Variants in RAPGEF4 observed in about 807,000 individuals in gnomAD.
RAPGEF4 encodes RAP guanine-nucleotide-exchange factor (GEF) 4.
RAPGEF4 carries 66 observed loss-of-function variants against 147.9 expected under a neutral mutation model. That is an observed-to-expected ratio of 0.45 (90% CI 0.37 to 0.55). The LOEUF is 0.55. RAPGEF4 is among the 20% of genes least tolerant of loss of function. The pLI, the probability that RAPGEF4 is intolerant of heterozygous loss-of-function variation, is 0.00. For missense variants in RAPGEF4, 1,071 were observed against 1,257.3 expected (o/e 0.85, Z 2.24); for synonymous variants, 419 against 442.7 (o/e 0.95, Z 0.67).
intron 15 of RAPGEF4, among the ~76,000 whole-genome samples, chr2:172,994,714 T>A (rs1046194857): frequency 1.1e-4 from 16 of 152,236 alleles, no homozygotes; most frequent in African/African-American, 3.6e-4. Flanking sequence ...AATTGAGCAA[T>A]ATTCTCTATT....
intron 4 of RAPGEF4, among the ~76,000 whole-genome samples, chr2:172,877,335 G>A (rs1043349260): frequency 6.6e-6 from 1 of 152,070 alleles, no homozygotes; most frequent in African/African-American, 2.4e-5. Context: ...TATGGACACA[G>A]GGAGGGGAAC....
At chr2:173,049,781 G>T (rs1685967867) in intron 30 of RAPGEF4, among the ~76,000 whole-genome samples, 1 of 152,208 alleles carries the variant, frequency 6.6e-6, no homozygotes, top group South Asian at 2.1e-4. Context: ...TTCTTATGTG[G>T]ATTCAGCCAG....
chr2:173,016,409 C>T lies in RAPGEF4; in HGVS notation c.1870C>T (p.Pro624Ser). 6.2e-7 allele frequency: 1 copy of T among 1,613,072 alleles called. No individual in the cohort carries two copies. The highest frequency in any genetic ancestry group is 1.1e-5 in the South Asian group (1 of 91,050). The part of the protein sequence containing the change: ...RMIAALKEQL[P>S]ELEKIVKQIS... ...GATTGCTGCCCTCAAGGAGCAACTG[C>T]CAGAGTTGGAGAAGATTGTCAAGCA... The change falls in exon 19 of 31, where the codon CCA (proline) becomes TCA (serine). Residue 624 changes from proline to serine, a missense_variant. Coordinates refer to ENST00000397081, the MANE Select transcript of RAPGEF4 (RefSeq NM_007023.4).
chr2:173,042,461 A>G lies in RAPGEF4; in HGVS notation c.2853+5769A>G, dbSNP rs1684883449. Among the ~76,000 whole-genome samples, 1 of 152,084 alleles carries G rather than the reference A, an allele frequency of 6.6e-6. No homozygotes were observed. The highest frequency in any genetic ancestry group is 2.4e-5 in the African/African-American group (1 of 41,404). Reference sequence around the variant, plus strand: ...AGCCTGGTAAAACCCCATCTCTACTAAAAATACAAAAATTAGCCAGGCATG... The same window carrying G: ...AGCCTGGTAAAACCCCATCTCTACTGAAAATACAAAAATTAGCCAGGCATG... On this transcript the variant is annotated intron_variant, in intron 29 of 30. Coordinates refer to ENST00000397081, the MANE Select transcript of RAPGEF4 (RefSeq NM_007023.4). The surrounding 1 kb of genome is among the most constrained non-coding windows in gnomAD (Gnocchi z 4.2).
intron 4 of RAPGEF4, among the ~76,000 whole-genome samples, chr2:172,871,274 T>C (rs1695210715): frequency 6.6e-6 from 1 of 152,218 alleles, no homozygotes. Context: ...TAACTTGCCT[T>C]AGACTTGCAC....
chr2:172,854,580 T>C (rs1693211890), intron 4 of RAPGEF4, among the ~76,000 whole-genome samples: 1 of 152,156 alleles, frequency 6.6e-6, no homozygotes, highest in South Asian at 2.1e-4. Flanking sequence ...ATGTAGTTAT[T>C]TATATGATTG....
intron 1 of RAPGEF4, among the ~76,000 whole-genome samples, chr2:172,791,282 G>A (rs919458699): frequency 1.6e-4 from 24 of 152,288 alleles, no homozygotes; most frequent in Non-Finnish European, 3.1e-4. Flanking sequence ...TCCATGCATG[G>A]AAATAAGGGG....
chr2:172,791,126 G>A (rs749358793), intron 1 of RAPGEF4, among the ~76,000 whole-genome samples: 6 of 152,184 alleles, frequency 3.9e-5, no homozygotes, highest in Non-Finnish European at 8.8e-5. Flanking sequence ...GAGCCCTCAT[G>A]ACCTAAGCAC....
At chr2:172,960,483 C>T (rs1689170737) in intron 6 of RAPGEF4, among the ~76,000 whole-genome samples, 1 of 152,022 alleles carries the variant, frequency 6.6e-6, no homozygotes, top group South Asian at 2.1e-4. Flanking sequence ...TATTTATTTC[C>T]TCTTCTCATG....
intron 14 of RAPGEF4, among the ~76,000 whole-genome samples, chr2:172,990,314 CT>C (rs1225966103): frequency 6.6e-6 from 1 of 152,086 alleles, no homozygotes; most frequent in Non-Finnish European, 1.5e-5. Context: ...TATAAAATCA[CT>C]TAAAATAACC....
chr2:172,992,124 T>C (rs1692897091), intron 15 of RAPGEF4, among the ~76,000 whole-genome samples: 1 of 152,220 alleles, frequency 6.6e-6, no homozygotes, highest in Non-Finnish European at 1.5e-5. Context: ...TAGATAAGAC[T>C]ACATACTCAA....
chr2:172,935,135 C>T (rs908067021), intron 6 of RAPGEF4, among the ~76,000 whole-genome samples: 1 of 152,188 alleles, frequency 6.6e-6, no homozygotes, highest in African/African-American at 2.4e-5. Flanking sequence ...CAAGATGGTA[C>T]CATAACACTC....
At chr2:172,970,554 A>G (rs1183639220) in intron 10 of RAPGEF4, among the ~76,000 whole-genome samples, 1 of 152,194 alleles carries the variant, frequency 6.6e-6, no homozygotes, top group African/African-American at 2.4e-5. Context: ...TGATGAGAAG[A>G]TTACTTTGAG....
intron 4 of RAPGEF4, among the ~76,000 whole-genome samples, chr2:172,909,877 A>G (rs1699939901): frequency 6.6e-6 from 1 of 152,170 alleles, no homozygotes; most frequent in Admixed American, 6.5e-5. Flanking sequence ...GGCCTACTAG[A>G]AGACTGCCCA....
intron 1 of RAPGEF4, among the ~76,000 whole-genome samples, chr2:172,767,724 G>A (rs1696983734): frequency 2.0e-5 from 3 of 152,158 alleles, no homozygotes; most frequent in Admixed American, 2.0e-4. Flanking sequence ...CTACCTTTGT[G>A]TGTACCTCCA....
intron 4 of RAPGEF4, among the ~76,000 whole-genome samples, chr2:172,875,444 C>A (rs1440925747): frequency 6.6e-6 from 1 of 152,098 alleles, no homozygotes; most frequent in African/African-American, 2.4e-5. Flanking sequence ...AGGAAGGGAT[C>A]CAGTTTCAGC....
chr2:172,835,034 C>T (rs752858837), intron 4 of RAPGEF4, among the ~76,000 whole-genome samples: 5 of 152,208 alleles, frequency 3.3e-5, no homozygotes, highest in Admixed American at 6.5e-5. Flanking sequence ...GACACCAGTA[C>T]GTTACAGAGT....
chr2:172,898,087 C>A (rs545203874), intron 4 of RAPGEF4, among the ~76,000 whole-genome samples: 1 of 152,222 alleles, frequency 6.6e-6, no homozygotes, highest in African/African-American at 2.4e-5. Context: ...AGCCAGTGAC[C>A]AAAGTGGATC....
chr2:172,817,837 C>T (rs1688653163), intron 4 of RAPGEF4, among the ~76,000 whole-genome samples: 1 of 149,526 alleles, frequency 6.7e-6, no homozygotes, highest in African/African-American at 2.5e-5. Context: ...GGAACCAACT[C>T]AAATGCCCAT....
Sources: allele counts gnomAD v4.1 joint callset (sites outside exome capture counted in the v4.1 genomes callset), GRCh38; gene constraint gnomAD v4.1.1; non-coding constraint Gnocchi (gnomAD v3.1); transcripts MANE v1.5; gene names NCBI Gene and HGNC (gene_info 2026-07-23, HGNC 2026-07-21).